ZNRF3: variants seen among roughly 807,000 people sequenced by gnomAD.
ZNRF3 encodes zinc and ring finger 3.
In ZNRF3, 23 loss-of-function variants were observed where a neutral mutation model predicts 72.5. The ratio of observed to expected loss-of-function variants is 0.32; its 90% CI spans 0.23 to 0.45. ZNRF3 has a LOEUF of 0.45. Ranked by LOEUF, ZNRF3 falls within the 20% of genes least tolerant of loss-of-function variation. ZNRF3 has a pLI of 1.00. For synonymous variants in ZNRF3, 610 were observed against 545.3 expected (o/e 1.12, Z -1.65); for missense variants, 1,169 against 1,272.1 (o/e 0.92, Z 1.23).
At chr22:28,952,216 A>T (rs1025914742) in intron 1 of ZNRF3, among the ~76,000 whole-genome samples, 3 of 152,182 alleles carry the variant, frequency 2.0e-5, no homozygotes, top group African/African-American at 7.2e-5. Flanking sequence ...TAAAACTTTT[A>T]TGAAGATGTT....
intron 2 of ZNRF3, among the ~76,000 whole-genome samples, chr22:28,997,001 G>A (rs191606620): frequency 3.7e-4 from 56 of 152,222 alleles, no homozygotes; most frequent in Middle Eastern, 3.4e-3. Flanking sequence ...GAGTGCCCTC[G>A]GCTTTAACCC....
chr22:28,983,173 GGCTGATGTGTTGAGCT>G (rs1182374486), intron 1 of ZNRF3, among the ~76,000 whole-genome samples: 1 of 152,096 alleles, frequency 6.6e-6, no homozygotes, highest in Non-Finnish European at 1.5e-5. Flanking sequence ...CCCTTGACGG[GGCTGATGTGTTGAGCT>G]GCTAACAGTC....
Position 29,056,908 on chromosome 22 carries a change from C to T in ZNRF3, c.*3286C>T, listed in dbSNP as rs1351007478. ...TACTTATGTGCTGCTAGTCTCTACTCGAAGTTCGTGCAGGACTAATGCTTT... is the reference window on the plus strand; with the variant it reads ...TACTTATGTGCTGCTAGTCTCTACTTGAAGTTCGTGCAGGACTAATGCTTT... On this transcript the variant is annotated 3_prime_UTR_variant, in exon 9 of 9. Transcript: ENST00000544604. 2.6e-5 allele frequency: 4 copies of T among 152,198 alleles called. No individual in the cohort carries two copies. The highest frequency in any genetic ancestry group is 2.9e-5 in the Non-Finnish European group (2 of 68,044). The allele number at this position is 152,198 out of a possible 1,614,324, so 9.4% of individuals were successfully genotyped here.
chr22:28,887,231 AGAGAGTGTGTGTGTGTGT>A (rs1166475958), intron 1 of ZNRF3, among the ~76,000 whole-genome samples: 4 of 111,978 alleles, frequency 3.6e-5, no homozygotes, highest in East Asian at 6.8e-4. Flanking sequence ...AGAGAGAGAG[AGAGAGTGTGTGTGTGTGT>A]GTGTGTGTGT....
chr22:28,910,038 C>CTT (rs200106075), intron 1 of ZNRF3, among the ~76,000 whole-genome samples: 35 of 145,542 alleles, frequency 2.4e-4, no homozygotes, highest in African/African-American at 7.5e-4. Context: ...TCTCCATTAA[C>CTT]TTTTTTTTTT....
At chr22:29,047,808 C>T (rs1477664118) in intron 6 of ZNRF3, among the ~76,000 whole-genome samples, 1 of 152,188 alleles carries the variant, frequency 6.6e-6, no homozygotes, top group African/African-American at 2.4e-5. Flanking sequence ...GTGGTTCTGT[C>T]CCAATAACTC....
intron 1 of ZNRF3, among the ~76,000 whole-genome samples, chr22:28,957,915 G>T (rs1453431825): frequency 6.6e-6 from 1 of 152,008 alleles, no homozygotes; most frequent in Non-Finnish European, 1.5e-5. Flanking sequence ...GCTGGGCGCG[G>T]TGGTTCAAGC....
At chr22:29,034,761 C>A (rs1336039026) in intron 2 of ZNRF3, among the ~76,000 whole-genome samples, 1 of 152,158 alleles carries the variant, frequency 6.6e-6, no homozygotes, top group Non-Finnish European at 1.5e-5. Context: ...ACATGCTCTT[C>A]CTTATTGACT....
intron 1 of ZNRF3, among the ~76,000 whole-genome samples, chr22:28,925,871 T>G (rs116352536): frequency 1.7e-3 from 255 of 152,252 alleles, no homozygotes; most frequent in African/African-American, 6.0e-3. Flanking sequence ...TGACAGAGTA[T>G]GTAAGGTTCC....
chr22:28,949,798 T>C (rs2123793911), intron 1 of ZNRF3, among the ~76,000 whole-genome samples: 1 of 152,334 alleles, frequency 6.6e-6, no homozygotes, highest in African/African-American at 2.4e-5. Flanking sequence ...AACTGTACTT[T>C]AAGGTCAGTT....
At chr22:28,950,053 A>C (rs1261766255) in intron 1 of ZNRF3, among the ~76,000 whole-genome samples, 2 of 152,192 alleles carry the variant, frequency 1.3e-5, no homozygotes, top group Non-Finnish European at 2.9e-5. Context: ...TTCTTAAGGA[A>C]ACTTTTATTT....
At chr22:29,052,945 G>C (rs1195870393) in intron 8 of ZNRF3, among the ~76,000 whole-genome samples, 1 of 152,134 alleles carries the variant, frequency 6.6e-6, no homozygotes, top group Non-Finnish European at 1.5e-5. Flanking sequence ...CTTCAGCCTA[G>C]GCAACACAGC....
At chr22:28,894,250 G>T (rs1292961990) in intron 1 of ZNRF3, among the ~76,000 whole-genome samples, 1 of 151,712 alleles carries the variant, frequency 6.6e-6, no homozygotes, top group Non-Finnish European at 1.5e-5. Flanking sequence ...GAGCCACTGT[G>T]ACCCACTGTA....
At chr22:29,041,540 C>A (rs781215436) in intron 2 of ZNRF3, among the ~76,000 whole-genome samples, 17 of 152,244 alleles carry the variant, frequency 1.1e-4, no homozygotes, top group African/African-American at 4.1e-4. Flanking sequence ...TAATCTCATC[C>A]CTCTGATCAG....
chr22:28,917,004 G>A (rs1369233812), intron 1 of ZNRF3, among the ~76,000 whole-genome samples: 1 of 152,074 alleles, frequency 6.6e-6, no homozygotes, highest in Non-Finnish European at 1.5e-5. Context: ...CTGGAGGCCC[G>A]ACAACATTAA....
At chr22:28,925,651 AT>A (rs1476845444) in intron 1 of ZNRF3, among the ~76,000 whole-genome samples, 1 of 152,032 alleles carries the variant, frequency 6.6e-6, no homozygotes, top group African/African-American at 2.4e-5. Context: ...CACCGTTAAC[AT>A]TTCACTGTAT....
chr22:29,055,458 A>G lies in ZNRF3; in HGVS notation c.*1836A>G, dbSNP rs550272088. The G allele has an allele frequency of 6.6e-6, 1 of 152,358 alleles. No homozygotes were observed. Among genetic ancestry groups the G allele is most frequent in the East Asian group, 1.9e-4 (1 of 5,190 alleles). The allele number at this position is 152,358 out of a possible 1,614,324, so 9.4% of individuals were successfully genotyped here. The stretch of plus-strand genomic sequence containing the variant: ...ATGTTTTTCTTAACCTCAGCGTATG[A>G]TGAGGAAATTTACTTATCTCTAGCT... On this transcript the variant is annotated 3_prime_UTR_variant, in exon 9 of 9. Transcript: ENST00000544604.
At chr22:28,908,954 T>C (rs1158032507) in intron 1 of ZNRF3, among the ~76,000 whole-genome samples, 3 of 152,160 alleles carry the variant, frequency 2.0e-5, no homozygotes, top group African/African-American at 4.8e-5. Flanking sequence ...TGGCGTGTAG[T>C]GGCACGATCT....
chr22:28,940,029 A>G (rs1396211197), intron 1 of ZNRF3, among the ~76,000 whole-genome samples: 1 of 152,190 alleles, frequency 6.6e-6, no homozygotes, highest in Non-Finnish European at 1.5e-5. Context: ...ATTTATGTTG[A>G]TATTTTCCCC....
Sources: gnomAD v4.1 joint callset for allele counts (sites outside exome capture counted in the v4.1 genomes callset) on GRCh38, gnomAD v4.1.1 for gene constraint, MANE v1.5 for transcripts, NCBI Gene and HGNC (gene_info 2026-07-23, HGNC 2026-07-21) for gene names.